Variants in MUC15 observed in about 807,000 individuals in gnomAD.
MUC15 encodes the protein mucin 15, cell surface associated.
MUC15 carries 23 observed loss-of-function variants against 24.0 expected under a neutral mutation model. That is an observed-to-expected ratio of 0.96 (90% CI 0.69 to 1.36). MUC15 has a LOEUF of 1.36. Among genes scored for constraint, MUC15 ranks in the 40% most tolerant of loss-of-function variants. The pLI, the probability that MUC15 is intolerant of heterozygous loss-of-function variation, is 0.00. For missense variants in MUC15, 442 were observed against 428.2 expected, an observed-to-expected ratio of 1.03 and a Z score of -0.29; for synonymous variants, 151 against 156.3, an observed-to-expected ratio of 0.97 and a Z score of 0.25.
intron 1 of MUC15, among the ~76,000 whole-genome samples, chr11:26,570,787 A>T (rs1052922435): frequency 6.6e-6 from 1 of 152,060 alleles, no homozygotes; most frequent in African/African-American, 2.4e-5. Flanking sequence ...TGTTACTCTG[A>T]GTGACTTTTT....
At chr11:26,567,548 C>T (rs140646072) in intron 1 of MUC15, among the ~76,000 whole-genome samples, 94 of 152,038 alleles carry the variant, frequency 6.2e-4, no homozygotes, top group African/African-American at 2.0e-3. Flanking sequence ...TGTGGTACAA[C>T]GTAAATATAT....
At chr11:26,564,745 A>G (rs1350477367) in intron 3 of MUC15, among the ~76,000 whole-genome samples, 1 of 50,304 alleles carries the variant, frequency 2.0e-5, no homozygotes. Flanking sequence ...ATATATATAT[A>G]TATATATATA....
chr11:26,562,043 G>A (rs1263820992), intron 4 of MUC15, among the ~76,000 whole-genome samples: 1 of 151,814 alleles, frequency 6.6e-6, no homozygotes, highest in Non-Finnish European at 1.5e-5. Context: ...TAAAACAGTT[G>A]TTGTGGATTG....
rs1850190987 is a variant in MUC15, at chr11:26,559,347, G to A, written c.*1718C>T. The A allele has an allele frequency of 5.8e-6, 1 of 171,998 alleles. No individual in the cohort carries two copies. The highest frequency in any genetic ancestry group is 5.9e-5 in the Admixed American group (1 of 17,026). 10.7% of individuals were successfully genotyped at this position (171,998 alleles called of 1,614,324 possible). ...CCACTCCTAGAAGTTTTGCTAACAG[G>A]AATTGCAACTAGGAATGCCTCACCT... On this transcript the variant is annotated 3_prime_UTR_variant, in exon 5 of 5. Coordinates refer to ENST00000529533, the MANE Select transcript of MUC15 (RefSeq NM_001135091.2).
At chr11:26,562,911 C>T in intron 4 of MUC15, 1 of 608,672 alleles carries the variant, frequency 1.6e-6, no homozygotes, top group Non-Finnish European at 2.5e-6. Context: ...AGCAACAGTT[C>T]AAATGTTTTT....
intron 4 of MUC15, 179 bp downstream of exon 4, chr11:26,562,937 G>T (rs993140341): frequency 4.9e-6 from 4 of 822,014 alleles, no homozygotes; most frequent in Non-Finnish European, 6.8e-6. Context: ...TTCAGTCACA[G>T]GTCTATAATT....
chr11:26,569,771 TA>T (rs1850746369), intron 1 of MUC15, among the ~76,000 whole-genome samples: 1 of 152,122 alleles, frequency 6.6e-6, no homozygotes. Context: ...ACTTGCTTTA[TA>T]AAGCTGAAAT....
At position 26,559,835 on chromosome 11, in the gene MUC15, T is replaced by TACACACAC. The variant is rs71047866; in HGVS notation, c.*1222_*1229dup. ...TTATTTTCTGAAGCTGTTTCTGTGT[T>TACACACAC]ACACACACACACACACACACACACA... On this transcript the variant is annotated 3_prime_UTR_variant, in exon 5 of 5. Transcript: ENST00000529533. The TACACACAC allele has an allele frequency of 2.1e-4, 139 of 661,908 alleles. No individual in the cohort carries two copies. Among genetic ancestry groups the TACACACAC allele is most frequent in the African/African-American group, 9.9e-4 (54 of 54,280 alleles). 41.0% of individuals were successfully genotyped at this position (661,908 alleles called of 1,614,324 possible).
At chr11:26,564,072 A>T (rs1257514047) in intron 3 of MUC15, among the ~76,000 whole-genome samples, 2 of 151,838 alleles carry the variant, frequency 1.3e-5, no homozygotes, top group African/African-American at 4.8e-5. Flanking sequence ...TTTTCATGTT[A>T]GAGTACAGTA....
At position 26,559,106 on chromosome 11, in the gene MUC15, T is replaced by C. The variant is rs1850180194; in HGVS notation, c.*1959A>G. 1 of 152,252 alleles carries C rather than the reference T, an allele frequency of 6.6e-6. No individual in the cohort carries two copies. Among genetic ancestry groups the C allele is most frequent in the Admixed American group, 6.5e-5 (1 of 15,272 alleles). The allele number at this position is 152,252 out of a possible 1,614,324, so 9.4% of individuals were successfully genotyped here. ...TTGATTCAATAACATTATAAAACTATGCATCCTTTATGAAGTTTCAGTTGA... is the reference window on the plus strand; with the variant it reads ...TTGATTCAATAACATTATAAAACTACGCATCCTTTATGAAGTTTCAGTTGA... On this transcript the variant is annotated 3_prime_UTR_variant, in exon 5 of 5. Coordinates refer to ENST00000529533, the MANE Select transcript of MUC15 (RefSeq NM_001135091.2).
chr11:26,564,244 A>C (rs1391975334), intron 3 of MUC15, among the ~76,000 whole-genome samples: 1 of 151,714 alleles, frequency 6.6e-6, no homozygotes, highest in African/African-American at 2.4e-5. Flanking sequence ...AATCATAGTT[A>C]AATGTACATA....
At chr11:26,570,346 A>G (rs550689151) in intron 1 of MUC15, among the ~76,000 whole-genome samples, 5 of 152,062 alleles carry the variant, frequency 3.3e-5, no homozygotes, top group African/African-American at 9.7e-5. Flanking sequence ...CAGTAAGGGA[A>G]GCAAACCCAC....
At chr11:26,571,962 G>T in intron 1 of MUC15, 79 bp downstream of exon 1, 6 of 547,624 alleles carry the variant, frequency 1.1e-5, no homozygotes, top group Non-Finnish European at 1.4e-5. Context: ...GATTCTCTTT[G>T]GTAAATAATC....
intron 1 of MUC15, 118 bp from the exon 2 acceptor site, chr11:26,567,257 C>T (rs293976): frequency 0.94 from 545,216 of 578,162 alleles, 258,140 homozygotes; most frequent in South Asian, 0.97. Context: ...ACTTTTTTTT[C>T]CTCAAGCAAT....
At chr11:26,563,077 A>G in intron 4 of MUC15, 39 bp downstream of exon 4, 1 of 1,599,072 alleles carries the variant, frequency 6.3e-7, no homozygotes, top group South Asian at 1.1e-5. Flanking sequence ...TTTAATTAAA[A>G]CCACTGTGCC....
rs1036927971 is a variant in MUC15 at position 26,565,650 on chromosome 11, C to T, written c.290G>A (p.Ser97Asn). The T allele has an allele frequency of 2.5e-6, 4 of 1,608,372 alleles. No individual in the cohort carries two copies. The highest frequency in any genetic ancestry group is 2.2e-5 in the South Asian group (2 of 91,002). Reference protein sequence around the residue: ...ENITTSNLKASHSPPLNLPNN... With the variant: ...ENITTSNLKANHSPPLNLPNN... ...GGGTAGATTCAAAGGAGGGGAATGACTCGCCTTGAGATTTGAGGTGGTTAT... is the reference window on the plus strand; with the variant it reads ...GGGTAGATTCAAAGGAGGGGAATGATTCGCCTTGAGATTTGAGGTGGTTAT... The change falls in exon 3 of 5, where the codon AGT (serine) becomes AAT (asparagine). Residue 97 changes from serine to asparagine, a missense_variant. Coordinates refer to ENST00000529533, the MANE Select transcript of MUC15 (RefSeq NM_001135091.2).
rs1288563931 is a variant in MUC15 at position 26,565,409 on chromosome 11, A to G, written c.531T>C (p.Thr177=). 2.5e-6 allele frequency: 4 copies of G among 1,613,268 alleles called. No individual in the cohort carries two copies. Among genetic ancestry groups the G allele is most frequent in the African/African-American group, 2.7e-5 (2 of 74,856 alleles). The change falls in exon 3 of 5, where the codon ACT becomes ACC. Residue 177 remains threonine, a synonymous_variant. Coordinates refer to ENST00000529533, the MANE Select transcript of MUC15 (RefSeq NM_001135091.2). ...TCACGGTGTCATTGACCAAAGACCA[A>G]GTGAAGTTTTCTGAAGACAGAGCAG... The part of the protein sequence containing the change: ...ATPALSSENF[T]WSLVNDTVKT...
At chr11:26,567,873 A>G (rs1314281334) in intron 1 of MUC15, among the ~76,000 whole-genome samples, 3 of 152,018 alleles carry the variant, frequency 2.0e-5, no homozygotes, top group Admixed American at 6.6e-5. Context: ...TATCACAAAC[A>G]TAATGCACTG....
chr11:26,561,503 C>A (rs1850290762), intron 4 of MUC15, among the ~76,000 whole-genome samples: 3 of 151,930 alleles, frequency 2.0e-5, no homozygotes, highest in Non-Finnish European at 2.9e-5. Context: ...CAATACCTTG[C>A]ATAAAGAAGT....
Sources: gnomAD v4.1 joint callset for allele counts (sites outside exome capture counted in the v4.1 genomes callset) on GRCh38, gnomAD v4.1.1 for gene constraint, MANE v1.5 for transcripts, NCBI Gene and HGNC (gene_info 2026-07-23, HGNC 2026-07-21) for gene names.